The following CHD9 variants were observed in gnomAD, a reference collection of about 807,000 sequenced individuals.
The protein encoded by CHD9 is chromodomain helicase DNA binding protein 9.
In CHD9, 77 loss-of-function variants were observed where a neutral mutation model predicts 316.1. The ratio of observed to expected loss-of-function variants is 0.24; its 90% CI spans 0.20 to 0.29. The LOEUF (loss-of-function observed/expected upper bound fraction) is 0.29, where lower values mean the gene tolerates loss of function less well. Ranked by LOEUF, CHD9 falls within the 10% of genes least tolerant of loss-of-function variation. The probability of loss-of-function intolerance (pLI) is 1.00; values close to 1 mark genes in which losing one functional copy is unlikely to be tolerated. For missense variants in CHD9, 2,763 were observed against 3,438.1 expected, an observed-to-expected ratio of 0.80 and a Z score of 4.91; for synonymous variants, 1,129 against 1,158.3, an observed-to-expected ratio of 0.97 and a Z score of 0.51.
intron 2 of CHD9, among the ~76,000 whole-genome samples, chr16:53,204,402 C>T (rs372111968): frequency 6.6e-5 from 10 of 152,262 alleles, no homozygotes; most frequent in African/African-American, 2.4e-4. Flanking sequence ...GATTTTAAAA[C>T]CTCTAATTTC....
At chr16:53,102,650 G>T (rs2036982014) in intron 1 of CHD9, among the ~76,000 whole-genome samples, 1 of 152,000 alleles carries the variant, frequency 6.6e-6, no homozygotes, top group African/African-American at 2.4e-5. Flanking sequence ...CAGTCTTCAA[G>T]ACCAGCCTGG....
chr16:53,254,649 G>A (rs751671188), intron 18 of CHD9, 44 bp downstream of exon 18: 1 of 1,535,810 alleles, frequency 6.5e-7, no homozygotes, highest in East Asian at 2.3e-5. Context: ...GTGTGTTTTT[G>A]CATTTGATTT....
At chr16:53,235,158 C>G (rs1431160668) in intron 10 of CHD9, 27 bp from the exon 11 acceptor site, 1 of 1,544,342 alleles carries the variant, frequency 6.5e-7, no homozygotes, top group Non-Finnish European at 8.8e-7. Context: ...GATTTAAACA[C>G]CATTCATTCT....
chr16:53,202,952 A>C (rs945611295), intron 2 of CHD9, among the ~76,000 whole-genome samples: 1 of 152,202 alleles, frequency 6.6e-6, no homozygotes, highest in Non-Finnish European at 1.5e-5. Flanking sequence ...GGTAAAATTC[A>C]GGAAAAGTTT....
intron 1 of CHD9, among the ~76,000 whole-genome samples, chr16:53,063,358 TCACACACA>T (rs67988137): frequency 0.057 from 7,751 of 137,066 alleles, 654 homozygotes; most frequent in African/African-American, 0.19. Context: ...CTCATAAATT[TCACACACA>T]CACACACACA....
At chr16:53,139,642 G>T (rs1385372115) in intron 1 of CHD9, among the ~76,000 whole-genome samples, 1 of 152,120 alleles carries the variant, frequency 6.6e-6, no homozygotes, top group Non-Finnish European at 1.5e-5. Flanking sequence ...CAGAAAAGAG[G>T]TGCTGGAGGT....
chr16:53,072,411 T>C (rs2152518116), intron 1 of CHD9, among the ~76,000 whole-genome samples: 1 of 150,908 alleles, frequency 6.6e-6, no homozygotes, highest in Admixed American at 6.6e-5. Flanking sequence ...TTTTTTTTTT[T>C]TTTTTTGAGG....
chr16:53,066,553 T>C (rs2033534671), intron 1 of CHD9, among the ~76,000 whole-genome samples: 1 of 152,028 alleles, frequency 6.6e-6, no homozygotes, highest in South Asian at 2.1e-4. Context: ...GGAGGAGAGG[T>C]GGCTCCTGCC....
At chr16:53,168,329 CT>C (rs2042421725) in intron 2 of CHD9, among the ~76,000 whole-genome samples, 1 of 152,090 alleles carries the variant, frequency 6.6e-6, no homozygotes, top group East Asian at 1.9e-4. Flanking sequence ...TCCCAAAGTG[CT>C]GAGATTACAG....
At chr16:53,166,373 G>A (rs936834557) in intron 2 of CHD9, among the ~76,000 whole-genome samples, 2 of 152,032 alleles carry the variant, frequency 1.3e-5, no homozygotes, top group Non-Finnish European at 2.9e-5. Context: ...CCCAGCTATT[G>A]GTGAGAAATT....
chr16:53,201,394 C>T (rs879533515), intron 2 of CHD9, among the ~76,000 whole-genome samples: 1 of 152,156 alleles, frequency 6.6e-6, no homozygotes, highest in Non-Finnish European at 1.5e-5. Flanking sequence ...ATCAAAACCA[C>T]TTAGTACCCC....
chr16:53,271,126 G>A (rs1241326282), intron 22 of CHD9, among the ~76,000 whole-genome samples: 2 of 150,684 alleles, frequency 1.3e-5, no homozygotes, highest in Non-Finnish European at 3.0e-5. Flanking sequence ...AAAAAACCCA[G>A]CCAGTTACCC....
intron 1 of CHD9, among the ~76,000 whole-genome samples, chr16:53,136,645 A>G (rs951008242): frequency 2.8e-4 from 43 of 152,014 alleles, no homozygotes; most frequent in Admixed American, 8.5e-4. Flanking sequence ...AGAGAAACTG[A>G]GTTGCCCGGG....
chr16:53,306,783 A>G (rs902619768), intron 32 of CHD9, among the ~76,000 whole-genome samples: 1 of 144,090 alleles, frequency 6.9e-6, no homozygotes, highest in Admixed American at 6.8e-5. Flanking sequence ...GAATTAATAC[A>G]GATTTTCTTC....
intron 26 of CHD9, 54 bp from the exon 27 acceptor site, chr16:53,287,903 A>G: frequency 7.3e-7 from 1 of 1,363,338 alleles, no homozygotes; most frequent in Non-Finnish European, 1.1e-6. Context: ...TGTCCTATCA[A>G]GTGAAATCTT....
intron 24 of CHD9, among the ~76,000 whole-genome samples, chr16:53,281,078 CT>C (rs1400671029): frequency 6.6e-6 from 1 of 152,116 alleles, no homozygotes; most frequent in Non-Finnish European, 1.5e-5. Context: ...GCTCTCTTAC[CT>C]TTTTCCTTAG....
chr16:53,182,944 T>C (rs1406696418), intron 2 of CHD9, among the ~76,000 whole-genome samples: 1 of 152,206 alleles, frequency 6.6e-6, no homozygotes, highest in African/African-American at 2.4e-5. Flanking sequence ...CGAATGCATA[T>C]GAATATATGT....
At chr16:53,214,343 A>T (rs2046569808) in intron 3 of CHD9, among the ~76,000 whole-genome samples, 1 of 152,188 alleles carries the variant, frequency 6.6e-6, no homozygotes, top group Non-Finnish European at 1.5e-5. Flanking sequence ...AAAGTGACGT[A>T]TGAAGCCCTG....
At chr16:53,091,571 T>G (rs1199809071) in intron 1 of CHD9, among the ~76,000 whole-genome samples, 1 of 152,194 alleles carries the variant, frequency 6.6e-6, no homozygotes, top group Non-Finnish European at 1.5e-5. Context: ...CCTGCCGTAG[T>G]TACTCTGACA....
Sources: gnomAD v4.1 joint callset for allele counts (sites outside exome capture counted in the v4.1 genomes callset) on GRCh38, gnomAD v4.1.1 for gene constraint, MANE v1.5 for transcripts, NCBI Gene and HGNC (gene_info 2026-07-23, HGNC 2026-07-21) for gene names.